The following CNTN3 variants were observed in gnomAD, a reference collection of about 807,000 sequenced individuals.
CNTN3 encodes the protein contactin 3.
Under a neutral mutation model 119.1 loss-of-function variants are expected in CNTN3, and 60 were observed. That is an observed-to-expected ratio of 0.50 (90% CI 0.41 to 0.62). The LOEUF is 0.62. Ranked by LOEUF, CNTN3 falls within the 20% of genes least tolerant of loss-of-function variation. The probability of loss-of-function intolerance (pLI) is 0.00; values close to 1 mark genes in which losing one functional copy is unlikely to be tolerated. For missense variants in CNTN3, 1,101 were observed against 1,242.4 expected (o/e 0.89, Z 1.71); for synonymous variants, 450 against 438.7 (o/e 1.03, Z -0.32).
At chr3:74,531,650 G>A (rs61167324) in intron 1 of CNTN3, among the ~76,000 whole-genome samples, 3 of 152,052 alleles carry the variant, frequency 2.0e-5, no homozygotes, top group Non-Finnish European at 2.9e-5. Context: ...GAAACCCAAC[G>A]GTTAAGGGTG....
At chr3:74,466,974 A>G (rs1391700974) in intron 4 of CNTN3, among the ~76,000 whole-genome samples, 1 of 152,164 alleles carries the variant, frequency 6.6e-6, no homozygotes, top group Non-Finnish European at 1.5e-5. Context: ...ATTTTTATTA[A>G]TAACTCTACC....
intron 4 of CNTN3, among the ~76,000 whole-genome samples, chr3:74,451,872 A>G (rs1331267032): frequency 2.1e-5 from 3 of 142,476 alleles, no homozygotes; most frequent in Non-Finnish European, 3.0e-5. Flanking sequence ...CCATTGATCT[A>G]TATCTCTGTT....
At chr3:74,515,426 C>T (rs967594182) in intron 2 of CNTN3, among the ~76,000 whole-genome samples, 1 of 151,942 alleles carries the variant, frequency 6.6e-6, no homozygotes, top group African/African-American at 2.4e-5. Context: ...TACCATCAAA[C>T]TCATATCATT....
At chr3:74,300,507 A>G (rs1702434586) in intron 16 of CNTN3, among the ~76,000 whole-genome samples, 1 of 152,178 alleles carries the variant, frequency 6.6e-6, no homozygotes, top group African/African-American at 2.4e-5. Flanking sequence ...TGTACTTGCA[A>G]TGTCTAGAAA....
At chr3:74,497,564 G>C (rs1703087260) in intron 3 of CNTN3, among the ~76,000 whole-genome samples, 1 of 151,858 alleles carries the variant, frequency 6.6e-6, no homozygotes, top group Non-Finnish European at 1.5e-5. Context: ...TTTAGTTTAA[G>C]TGAAATTTTA....
chr3:74,338,700 G>C (rs868080315), intron 11 of CNTN3, among the ~76,000 whole-genome samples: 13 of 151,992 alleles, frequency 8.6e-5, no homozygotes, highest in African/African-American at 3.1e-4. Flanking sequence ...ATGATCCTGG[G>C]TACAGCTATC....
At chr3:74,552,358 T>A (rs1489807156) in intron 1 of CNTN3, among the ~76,000 whole-genome samples, 2 of 152,176 alleles carry the variant, frequency 1.3e-5, no homozygotes, top group African/African-American at 4.8e-5. Flanking sequence ...TATGCCTCAT[T>A]TTTTAGGAGA....
intron 4 of CNTN3, among the ~76,000 whole-genome samples, chr3:74,459,506 G>A (rs1484506275): frequency 6.6e-6 from 1 of 151,940 alleles, no homozygotes; most frequent in Non-Finnish European, 1.5e-5. Context: ...TCTCTGACCC[G>A]CCTATCTTCG....
intron 10 of CNTN3, 36 bp from the exon 11 acceptor site, chr3:74,362,076 C>A (rs777184611): frequency 1.4e-5 from 22 of 1,599,370 alleles, no homozygotes; most frequent in Non-Finnish European, 1.7e-5. Context: ...AGAAGTGGAT[C>A]ATTTACAAAA....
At chr3:74,451,134 T>C (rs1037897921) in intron 4 of CNTN3, among the ~76,000 whole-genome samples, 6 of 152,040 alleles carry the variant, frequency 3.9e-5, no homozygotes, top group Admixed American at 1.3e-4. Flanking sequence ...CCACCAACAG[T>C]GTCAAAGTGT....
intron 11 of CNTN3, among the ~76,000 whole-genome samples, chr3:74,342,765 A>C (rs1467407346): frequency 6.6e-6 from 1 of 152,242 alleles, no homozygotes; most frequent in Non-Finnish European, 1.5e-5. Context: ...AAATGGACTC[A>C]AATCAATAGA....
chr3:74,442,079 G>C (rs1701975250), intron 4 of CNTN3, among the ~76,000 whole-genome samples: 2 of 151,432 alleles, frequency 1.3e-5, no homozygotes, highest in African/African-American at 4.9e-5. Flanking sequence ...ACCTCCCCTT[G>C]ATACACAGAA....
intron 2 of CNTN3, among the ~76,000 whole-genome samples, chr3:74,518,350 G>C (rs973216387): frequency 1.3e-4 from 19 of 151,924 alleles, no homozygotes. Flanking sequence ...CTGCAATAGA[G>C]GGGATGATTT....
intron 5 of CNTN3, among the ~76,000 whole-genome samples, chr3:74,372,519 G>T (rs1704367376): frequency 6.6e-6 from 1 of 151,582 alleles, no homozygotes; most frequent in Non-Finnish European, 1.5e-5. Context: ...GCTTTCCTGA[G>T]CCCTATTTTC....
At chr3:74,337,407 C>T (rs761334284) in intron 11 of CNTN3, among the ~76,000 whole-genome samples, 8 of 152,048 alleles carry the variant, frequency 5.3e-5, no homozygotes, top group Admixed American at 1.3e-4. Flanking sequence ...GCATAGACAA[C>T]GTAGTACTCT....
chr3:74,392,380 TTCCC>T (rs916129117), intron 5 of CNTN3, among the ~76,000 whole-genome samples: 1 of 152,308 alleles, frequency 6.6e-6, no homozygotes, highest in East Asian at 1.9e-4. Context: ...GTCTTTCCTT[TTCCC>T]TCCCTCCCTC....
chr3:74,471,063 G>A (rs1191119813), intron 4 of CNTN3, among the ~76,000 whole-genome samples: 1 of 152,086 alleles, frequency 6.6e-6, no homozygotes, highest in Admixed American at 6.5e-5. Flanking sequence ...TTTTAGTAGA[G>A]ATGGGGTTTC....
intron 11 of CNTN3, among the ~76,000 whole-genome samples, chr3:74,353,730 T>TG (rs1410127846): frequency 6.6e-6 from 1 of 152,012 alleles, no homozygotes; most frequent in African/African-American, 2.4e-5. Context: ...CACTCCAGCC[T>TG]GGGGGACAGA....
intron 4 of CNTN3, among the ~76,000 whole-genome samples, chr3:74,485,716 AAAAT>A (rs1702843526): frequency 6.7e-6 from 1 of 149,810 alleles, no homozygotes; most frequent in Non-Finnish European, 1.5e-5. Flanking sequence ...ATACACAACT[AAAAT>A]AAAGAGAGAC....
Sources: allele counts gnomAD v4.1 joint callset (sites outside exome capture counted in the v4.1 genomes callset), GRCh38; gene constraint gnomAD v4.1.1; transcripts MANE v1.5; gene names NCBI Gene and HGNC (gene_info 2026-07-23, HGNC 2026-07-21).